The following TEC variants were observed in gnomAD, a reference collection of about 807,000 sequenced individuals.
TEC encodes the protein tyrosine-protein kinase Tec.
In TEC, 72 loss-of-function variants were observed where a neutral mutation model predicts 93.0. The observed-to-expected ratio is 0.77, with a 90% confidence interval of 0.64 to 0.94. The LOEUF (loss-of-function observed/expected upper bound fraction) is 0.94. TEC is among the 40% of genes least tolerant of loss of function. The pLI is 0.00. For synonymous variants in TEC, 249 were observed against 247.7 expected (o/e 1.01, Z -0.05); for missense variants, 630 against 757.9 (o/e 0.83, Z 1.98).
intron 2 of TEC, among the ~76,000 whole-genome samples, chr4:48,179,944 G>A (rs1413944300): frequency 6.6e-6 from 1 of 152,132 alleles, no homozygotes; most frequent in Admixed American, 6.5e-5. Flanking sequence ...TAACTGTCTA[G>A]CTCTAGGAGC....
intron 1 of TEC, among the ~76,000 whole-genome samples, chr4:48,256,594 C>CAA (rs34792955): frequency 2.1e-4 from 13 of 61,658 alleles, no homozygotes; most frequent in African/African-American, 5.6e-4. Context: ...GACCTTGTCT[C>CAA]AAAAAAAAAA....
intron 2 of TEC, among the ~76,000 whole-genome samples, chr4:48,216,116 C>T (rs1723069581): frequency 6.6e-6 from 1 of 152,166 alleles, no homozygotes; most frequent in African/African-American, 2.4e-5. Context: ...CACAAACACA[C>T]TAAGTCCCCT....
chr4:48,224,612 G>A (rs1176215277), intron 2 of TEC, among the ~76,000 whole-genome samples: 1 of 152,150 alleles, frequency 6.6e-6, no homozygotes, highest in East Asian at 1.9e-4. Context: ...AGTTCATTTG[G>A]AATATGTGGA....
At chr4:48,266,792 C>T (rs999940283) in intron 1 of TEC, among the ~76,000 whole-genome samples, 5 of 150,390 alleles carry the variant, frequency 3.3e-5, no homozygotes, top group Non-Finnish European at 7.4e-5. Context: ...GAGCCAAGAT[C>T]GTGCCATTGC....
At chr4:48,243,208 A>G (rs1723967604) in intron 1 of TEC, among the ~76,000 whole-genome samples, 3 of 152,172 alleles carry the variant, frequency 2.0e-5, no homozygotes, top group Admixed American at 2.0e-4. Flanking sequence ...CCTGATGTCC[A>G]GTATCTTATT....
chr4:48,203,039 G>A (rs1295429013), intron 2 of TEC, among the ~76,000 whole-genome samples: 1 of 152,036 alleles, frequency 6.6e-6, no homozygotes, highest in East Asian at 1.9e-4. Context: ...TCTTTAACTC[G>A]GTCTGTCACA....
intron 7 of TEC, among the ~76,000 whole-genome samples, chr4:48,164,435 G>T (rs1282817711): frequency 6.6e-6 from 1 of 152,140 alleles, no homozygotes; most frequent in Non-Finnish European, 1.5e-5. Flanking sequence ...GCACTCTTAT[G>T]TAAGTAGGAG....
intron 2 of TEC, among the ~76,000 whole-genome samples, chr4:48,188,764 C>A (rs1577736531): frequency 6.6e-6 from 1 of 152,146 alleles, no homozygotes; most frequent in East Asian, 1.9e-4. Flanking sequence ...TCAATACATG[C>A]AGGACTAAAA....
rs576444933 is a variant in TEC at position 48,236,889 on chromosome 4, T to C, written c.-45-8230A>G. Among the ~76,000 whole-genome samples, 215 of 152,334 alleles carry C rather than the reference T, an allele frequency of 1.4e-3. 1 individual carries two copies. Among genetic ancestry groups the C allele is most frequent in the Non-Finnish European group, 2.5e-3 (169 of 68,034 alleles). ...CCAACAGTTCTTAAAACCTTTTTCA[T>C]CATGAAAAATTCTGCCTAAAAACAA... is the stretch of plus-strand genomic sequence containing the variant. On this transcript the variant is annotated intron_variant, in intron 1 of 17. Coordinates refer to ENST00000381501, the MANE Select transcript of TEC (RefSeq NM_003215.3).
intron 3 of TEC, among the ~76,000 whole-genome samples, chr4:48,172,433 T>C (rs1721151619): frequency 7.6e-6 from 1 of 131,630 alleles, no homozygotes; most frequent in Non-Finnish European, 1.6e-5. Context: ...CAAAGGAATG[T>C]ACTTTTTTTT....
At chr4:48,188,216 C>T (rs575218586) in intron 2 of TEC, among the ~76,000 whole-genome samples, 2 of 152,206 alleles carry the variant, frequency 1.3e-5, no homozygotes, top group African/African-American at 4.8e-5. Flanking sequence ...CCTGAAACAC[C>T]ATGTAGAAGG....
At chr4:48,216,244 G>GAAAAAAAAAAAA in intron 2 of TEC, among the ~76,000 whole-genome samples, 1 of 136,338 alleles carries the variant, frequency 7.3e-6, no homozygotes. Context: ...TACGCCCCAG[G>GAAAAAAAAAAAA]AAAAAAAAAA....
rs376679540 is a variant in TEC, at chr4:48,170,276, T to G, written c.426A>C (p.Gly142=). Residue 142 remains glycine (G), a synonymous_variant, in exon 5 of 18, where the codon GGA becomes GGC. Transcript: ENST00000381501. The part of the protein sequence containing the change: ...CCRQTEKLAP[G]CEKYNLFESS... ...TCTCAAAAAGATTGTATTTTTCACA[T>G]CCGGGTGCTAATTTTTCAGTTTGTC... 4.8e-5 allele frequency: 76 copies of G among 1,595,082 alleles called. No individual in the cohort carries two copies. In the African/African-American group the frequency reaches 8.3e-4, roughly 17 times the overall value.
chr4:48,176,715 T>C (rs1214446025), intron 2 of TEC, among the ~76,000 whole-genome samples: 3 of 152,142 alleles, frequency 2.0e-5, no homozygotes, highest in Admixed American at 6.5e-5. Flanking sequence ...ACAGTAAGAC[T>C]CTATTTCAAA....
At chr4:48,247,914 T>C (rs1724101761) in intron 1 of TEC, among the ~76,000 whole-genome samples, 1 of 152,212 alleles carries the variant, frequency 6.6e-6, no homozygotes, top group African/African-American at 2.4e-5. Context: ...GTACAACATG[T>C]AAATATACAG....
chr4:48,162,761 G>A (rs1481944077), intron 8 of TEC, among the ~76,000 whole-genome samples: 3 of 152,154 alleles, frequency 2.0e-5, no homozygotes, highest in Admixed American at 2.0e-4. Flanking sequence ...GGAACAGCTT[G>A]TTGTTGCTAT....
At chr4:48,151,625 T>C (rs2109517980) in intron 9 of TEC, among the ~76,000 whole-genome samples, 1 of 152,334 alleles carries the variant, frequency 6.6e-6, no homozygotes, top group Non-Finnish European at 1.5e-5. Context: ...TAGCTGGAAT[T>C]ACAGGTGTGC....
rs190036204 is a variant in TEC at position 48,234,728 on chromosome 4, T to A, written c.-45-6069A>T. Among the ~76,000 whole-genome samples the A allele has an allele frequency of 2.6e-5, 4 of 152,152 alleles. No individual in the cohort carries two copies. The East Asian group carries it at 7.7e-4, about 29-fold the overall frequency. Reference sequence around the variant, plus strand: ...AATCTTACTACCAATATAAATACATTGGGTGTGAGAGCAGGAAGTATGCTC... The same window carrying A: ...AATCTTACTACCAATATAAATACATAGGGTGTGAGAGCAGGAAGTATGCTC... On this transcript the variant is annotated intron_variant, in intron 1 of 17. Coordinates refer to ENST00000381501, the MANE Select transcript of TEC (RefSeq NM_003215.3).
intron 2 of TEC, among the ~76,000 whole-genome samples, chr4:48,214,468 A>G (rs529125398): frequency 2.0e-5 from 3 of 152,242 alleles, no homozygotes; most frequent in Non-Finnish European, 4.4e-5. Flanking sequence ...CAAATTTATG[A>G]TGATGCAAAA....
Sources: gnomAD v4.1 joint callset for allele counts (sites outside exome capture counted in the v4.1 genomes callset) on GRCh38, gnomAD v4.1.1 for gene constraint, MANE v1.5 for transcripts, NCBI Gene and HGNC (gene_info 2026-07-23, HGNC 2026-07-21) for gene names.